Variants in KCNC2 observed in about 807,000 individuals in gnomAD.
The protein encoded by KCNC2 is potassium voltage-gated channel subfamily C member 2, also known as voltage-gated potassium channel KCNC2.
A neutral mutation model predicts 44.5 loss-of-function variants in KCNC2; 21 were observed. That is an observed-to-expected ratio of 0.47 (90% CI 0.33 to 0.68). The LOEUF (loss-of-function observed/expected upper bound fraction) is 0.68, where lower values mean the gene tolerates loss of function less well. KCNC2 is among the 30% of genes least tolerant of loss of function. The probability of loss-of-function intolerance (pLI) is 0.01; values close to 1 mark genes in which losing one functional copy is unlikely to be tolerated. For missense variants in KCNC2, 589 were observed against 826.2 expected, an observed-to-expected ratio of 0.71 and a Z score of 3.52; for synonymous variants, 391 against 339.1, an observed-to-expected ratio of 1.15 and a Z score of -1.68.
At chr12:75,163,620 A>G (rs1891262344) in intron 2 of KCNC2, among the ~76,000 whole-genome samples, 1 of 151,764 alleles carries the variant, frequency 6.6e-6, no homozygotes, top group South Asian at 2.1e-4. Context: ...AAAAATATCT[A>G]TTGCTACTTA....
chr12:75,191,085 C>T (rs547202022), intron 2 of KCNC2, among the ~76,000 whole-genome samples: 1 of 152,146 alleles, frequency 6.6e-6, no homozygotes, highest in South Asian at 2.1e-4. Flanking sequence ...GACTGCAAGA[C>T]ACCATTCACA....
intron 2 of KCNC2, among the ~76,000 whole-genome samples, chr12:75,190,677 A>G (rs962529257): frequency 2.0e-5 from 3 of 152,220 alleles, no homozygotes; most frequent in Non-Finnish European, 4.4e-5. Flanking sequence ...AAAATATATT[A>G]TATTCAAGCT....
At chr12:75,106,924 T>C (rs1886833407) in intron 2 of KCNC2, among the ~76,000 whole-genome samples, 1 of 152,252 alleles carries the variant, frequency 6.6e-6, no homozygotes, top group Non-Finnish European at 1.5e-5. Flanking sequence ...TACTAATGAA[T>C]AATATTTTTA....
intron 2 of KCNC2, among the ~76,000 whole-genome samples, chr12:75,155,035 G>C (rs1890660868): frequency 6.6e-6 from 1 of 151,458 alleles, no homozygotes; most frequent in African/African-American, 2.4e-5. Context: ...AGGACTTCAT[G>C]ACCATCACCA....
chr12:75,165,120 A>G (rs1891361043), intron 2 of KCNC2, among the ~76,000 whole-genome samples: 1 of 151,662 alleles, frequency 6.6e-6, no homozygotes, highest in African/African-American at 2.4e-5. Context: ...GAAAAATTCT[A>G]AGGAGAACTG....
Position 75,111,684 on chromosome 12 carries a change from C to T in KCNC2, c.688-60367G>A, listed in dbSNP as rs574870309. Among the ~76,000 whole-genome samples, 4 of 151,304 alleles carry T rather than the reference C, an allele frequency of 2.6e-5. No homozygotes were observed. The East Asian group carries it at 7.7e-4, about 29-fold the overall frequency. Reference sequence around the variant, plus strand: ...AGTATTCTTAACATCCGAAGCCATGCATTAAAATAGAAAATGTAATGTCTG... The same window carrying T: ...AGTATTCTTAACATCCGAAGCCATGTATTAAAATAGAAAATGTAATGTCTG... On this transcript the variant is annotated intron_variant, in intron 2 of 4. Coordinates refer to ENST00000549446, the MANE Select transcript of KCNC2 (RefSeq NM_139137.4).
chr12:75,130,042 G>T (rs1419630332), intron 2 of KCNC2, among the ~76,000 whole-genome samples: 1 of 152,042 alleles, frequency 6.6e-6, no homozygotes. Flanking sequence ...ACCCTTCAGG[G>T]TCACCTGCCA....
chr12:75,053,949 G>A (rs900380766), intron 2 of KCNC2, among the ~76,000 whole-genome samples: 5 of 151,472 alleles, frequency 3.3e-5, no homozygotes, highest in African/African-American at 9.7e-5. Context: ...GAGGCCAGGC[G>A]CGGTGACTCT....
chr12:75,202,903 C>G (rs1382308912), intron 2 of KCNC2, among the ~76,000 whole-genome samples: 1 of 150,066 alleles, frequency 6.7e-6, no homozygotes, highest in Non-Finnish European at 1.5e-5. Flanking sequence ...CGTTTTATTA[C>G]AAATAGAGAG....
At chr12:75,167,124 A>G (rs1296056500) in intron 2 of KCNC2, among the ~76,000 whole-genome samples, 1 of 151,318 alleles carries the variant, frequency 6.6e-6, no homozygotes, top group Non-Finnish European at 1.5e-5. Flanking sequence ...TCAAACAAAC[A>G]AAAAGAATTA....
At chr12:75,064,855 G>C (rs1355198622) in intron 2 of KCNC2, among the ~76,000 whole-genome samples, 3 of 151,952 alleles carry the variant, frequency 2.0e-5, no homozygotes, top group Non-Finnish European at 2.9e-5. Flanking sequence ...CTCAATTAAA[G>C]TATAACGTTT....
intron 2 of KCNC2, among the ~76,000 whole-genome samples, chr12:75,075,383 C>T (rs993791623): frequency 6.6e-6 from 1 of 150,960 alleles, no homozygotes; most frequent in Non-Finnish European, 1.5e-5. Context: ...GCTGAATAAT[C>T]TCCTTACTAC....
intron 2 of KCNC2, among the ~76,000 whole-genome samples, chr12:75,055,058 T>C (rs1325062424): frequency 6.6e-6 from 1 of 152,016 alleles, no homozygotes; most frequent in Admixed American, 6.6e-5. Context: ...AGGAAAGAAA[T>C]GGAGGGGAAG....
chr12:75,166,691 A>G (rs1297425446), intron 2 of KCNC2, among the ~76,000 whole-genome samples: 1 of 151,214 alleles, frequency 6.6e-6, no homozygotes, highest in Non-Finnish European at 1.5e-5. Flanking sequence ...CAGAAATTAA[A>G]CAACACATTC....
intron 2 of KCNC2, among the ~76,000 whole-genome samples, chr12:75,110,947 C>T (rs938942846): frequency 2.0e-5 from 3 of 151,980 alleles, no homozygotes; most frequent in South Asian, 2.1e-4. Flanking sequence ...TAAAAATACG[C>T]TTTGTTATTC....
intron 2 of KCNC2, among the ~76,000 whole-genome samples, chr12:75,070,398 C>T (rs996126123): frequency 1.3e-5 from 2 of 151,084 alleles, no homozygotes; most frequent in Non-Finnish European, 2.9e-5. Flanking sequence ...TTGCAGTGAG[C>T]CGAGATTGCA....
intron 2 of KCNC2, among the ~76,000 whole-genome samples, chr12:75,202,654 C>T (rs962625448): frequency 2.0e-5 from 3 of 151,620 alleles, no homozygotes; most frequent in African/African-American, 7.3e-5. Context: ...AGGAGAGAGC[C>T]TGTAAGTCAT....
rs576141492 is a variant in KCNC2, at chr12:75,203,753, G to A, written c.687+3544C>T. On this transcript the variant is annotated intron_variant, in intron 2 of 4. Transcript: ENST00000549446. ...CTCCCCTACCCTATAAAAAATATAAGTGAAAAGAAGAGAAAGAGAAACTTA... is the reference window on the plus strand; with the variant it reads ...CTCCCCTACCCTATAAAAAATATAAATGAAAAGAAGAGAAAGAGAAACTTA... Among the ~76,000 whole-genome samples the A allele has an allele frequency of 4.9e-4, 74 of 151,916 alleles. 2 individuals are homozygous for A. In the South Asian group the frequency reaches 0.012, roughly 24 times the overall value.
intron 2 of KCNC2, among the ~76,000 whole-genome samples, chr12:75,062,142 C>G (rs1882407978): frequency 6.6e-6 from 1 of 152,032 alleles, no homozygotes; most frequent in Non-Finnish European, 1.5e-5. Flanking sequence ...TCTATTAACT[C>G]ATTTTACAGA....
Sources: gnomAD v4.1 joint callset for allele counts (sites outside exome capture counted in the v4.1 genomes callset) on GRCh38, gnomAD v4.1.1 for gene constraint, MANE v1.5 for transcripts, NCBI Gene and HGNC (gene_info 2026-07-23, HGNC 2026-07-21) for gene names.